Variants in SYN1 observed in about 807,000 individuals in gnomAD.
The protein encoded by SYN1 is synapsin I.
A neutral mutation model predicts 44.6 loss-of-function variants in SYN1; 8 were observed. That is an observed-to-expected ratio of 0.18 (90% CI 0.11 to 0.32). The LOEUF is 0.32. SYN1 is among the 10% of genes least tolerant of loss of function. The probability of loss-of-function intolerance (pLI) is 1.00; values close to 1 mark genes in which losing one functional copy is unlikely to be tolerated. For missense variants in SYN1, 451 were observed against 639.4 expected (o/e 0.71, Z 3.18); for synonymous variants, 275 against 280.1 (o/e 0.98, Z 0.18).
Position 47,609,345 on chromosome X carries a change from T to C in SYN1, c.378-2147A>G, listed in dbSNP as rs6609540. Reference sequence around the variant, plus strand: ...GAGGGCATCCCCATGGTCTGGTCTATGAAGGGAAAGAAAGGCCAGCCTCCT... The same window carrying C: ...GAGGGCATCCCCATGGTCTGGTCTACGAAGGGAAAGAAAGGCCAGCCTCCT... On this transcript the variant is annotated intron_variant, in intron 1 of 12. Coordinates refer to ENST00000295987, the MANE Select transcript of SYN1 (RefSeq NM_006950.3). Among the ~76,000 whole-genome samples the C allele has an allele frequency of 4.2e-4, 47 of 111,869 alleles. No homozygotes were observed. In the East Asian group the frequency reaches 0.012, roughly 30 times the overall value.
At chrX:47,583,637 C>T (rs888386870) in intron 5 of SYN1, 1 of 941,108 alleles carries the variant, frequency 1.1e-6, no homozygotes, top group Non-Finnish European at 1.4e-6. Context: ...TTCCACTCGC[C>T]CCTGCACTTC....
chrX:47,610,697 T>C (rs1475758005), intron 1 of SYN1, among the ~76,000 whole-genome samples: 1 of 110,381 alleles, frequency 9.1e-6, no homozygotes, highest in African/African-American at 3.3e-5. Context: ...GATACGGAAC[T>C]TAAAACCCTG....
At chrX:47,593,844 T>C (rs2057855736) in intron 5 of SYN1, among the ~76,000 whole-genome samples, 1 of 112,430 alleles carries the variant, frequency 8.9e-6, no homozygotes, top group Admixed American at 9.4e-5. Context: ...AAATTACTTA[T>C]TTTCATCTAG....
In SYN1 at chrX:47,572,254, G is replaced by C. The variant is rs778746358; in HGVS notation, c.*610C>G. 8.9e-6 allele frequency: 1 copy of C among 112,865 alleles called. No individual in the cohort carries two copies. The highest frequency in any genetic ancestry group is 2.7e-4 in the East Asian group (1 of 3,666). The allele number at this position is 112,865 out of a possible 1,213,427, so 9.3% of individuals were successfully genotyped here. ...TGGGGAGGGGGTCCCTGGGGGAACC[G>C]AGGGGTCCTGGAAGTGGGAGGGGCT... On this transcript the variant is annotated 3_prime_UTR_variant, in exon 13 of 13. Transcript: ENST00000295987.
chrX:47,606,949 C>G lies in SYN1; in HGVS notation c.523G>C (p.Val175Leu). Residue 175 changes from valine to leucine, a missense_variant, in exon 3 of 13, where the codon GTG becomes CTG. This residue lies in a region of SYN1 where 315 missense variants were observed against 451.4 expected (regional missense o/e 0.70). Coordinates refer to ENST00000295987, the MANE Select transcript of SYN1 (RefSeq NM_006950.3). ...AGGTACCCTTCTTATACTCACCGCA[C>G]GACCTTCACCCCATTCCGAAGAACT... Reference protein sequence around the residue: ...MEVLRNGVKVVRSLKPDFVLI... With the variant: ...MEVLRNGVKVLRSLKPDFVLI... 8.3e-7 allele frequency: 1 copy of G among 1,208,652 alleles called. No individual in the cohort carries two copies. The highest frequency in any genetic ancestry group is 1.1e-6 in the Non-Finnish European group (1 of 893,708).
At chrX:47,584,875 T>G in intron 5 of SYN1, 1 of 984,913 alleles carries the variant, frequency 1.0e-6, no homozygotes, top group Non-Finnish European at 1.4e-6. Context: ...ATGATGATGA[T>G]GATCTTATTT....
chrX:47,574,553 C>T lies in SYN1; in HGVS notation c.1431G>A (p.Gln477=). The T allele has an allele frequency of 9.2e-7, 1 of 1,088,704 alleles. No homozygotes were observed. Among genetic ancestry groups the T allele is most frequent in the Non-Finnish European group, 1.2e-6 (1 of 838,509 alleles). 89.7% of individuals were successfully genotyped at this position (1,088,704 alleles called of 1,213,427 possible). ...PPQPGPGPQR[Q]GPPLQQRPPP... ...GCGGGCGCTGCTGCAATGGGGGTCC[C>T]TGGCGCTGGGGGCCTGGACCCGGCT... The change falls in exon 12 of 13, where the codon CAG becomes CAA. Residue 477 remains glutamine (Q), a synonymous_variant. Transcript: ENST00000295987.
In SYN1 at chrX:47,574,163, C is replaced by A. The variant is rs1227692428; in HGVS notation, c.1821G>T (p.Ala607=). 6.7e-6 allele frequency: 7 copies of A among 1,052,301 alleles called. No homozygotes were observed. The African/African-American group carries it at 1.2e-4, about 18-fold the overall frequency. 86.7% of individuals were successfully genotyped at this position (1,052,301 alleles called of 1,213,427 possible). ...PAGPTRQASQ[A]GPVPRTGPPT... is the part of the protein sequence containing the mutation. Reference sequence around the variant, plus strand: ...GTGGCCCAGTGCGGGGCACGGGACCCGCCTGGCTGGCCTGGCGTGTGGGGC... The same window carrying A: ...GTGGCCCAGTGCGGGGCACGGGACCAGCCTGGCTGGCCTGGCGTGTGGGGC... Residue 607 remains alanine, a synonymous_variant, in exon 12 of 13, where the codon GCG becomes GCT. Transcript: ENST00000295987.
chrX:47,602,573 C>T (rs1231780775), intron 5 of SYN1, among the ~76,000 whole-genome samples: 2 of 110,072 alleles, frequency 1.8e-5, no homozygotes, highest in African/African-American at 6.6e-5. Context: ...ACCCAGGAGG[C>T]GGAGGCTGCA....
At chrX:47,582,881 C>G (rs1422040156) in intron 5 of SYN1, among the ~76,000 whole-genome samples, 1 of 95,295 alleles carries the variant, frequency 1.0e-5, no homozygotes, top group Non-Finnish European at 2.1e-5. Context: ...CCCTCAAATT[C>G]CTCAAGTATC....
intron 1 of SYN1, among the ~76,000 whole-genome samples, chrX:47,608,388 A>G (rs1315686809): frequency 9.0e-6 from 1 of 111,568 alleles, no homozygotes; most frequent in East Asian, 2.8e-4. Context: ...GCCTGTGTAT[A>G]TGTCAGTGCC....
At chrX:47,590,283 G>A (rs1425378770) in intron 5 of SYN1, 1 of 111,379 alleles carries the variant, frequency 9.0e-6, no homozygotes, top group Non-Finnish European at 1.9e-5. Flanking sequence ...ACCATGAGGA[G>A]AGGTTCCCCT....
intron 5 of SYN1, among the ~76,000 whole-genome samples, chrX:47,597,449 T>A (rs1489946164): frequency 9.0e-6 from 1 of 110,507 alleles, no homozygotes; most frequent in Non-Finnish European, 1.9e-5. Flanking sequence ...AATCAGTGAA[T>A]TTGAAGACAG....
intron 1 of SYN1, among the ~76,000 whole-genome samples, chrX:47,611,402 C>T (rs1200833349): frequency 9.0e-6 from 1 of 111,717 alleles, no homozygotes; most frequent in African/African-American, 3.3e-5. Context: ...TCAAGTAGTA[C>T]CCTTAGTTAT....
intron 1 of SYN1, among the ~76,000 whole-genome samples, chrX:47,614,703 C>T (rs1004107211): frequency 3.8e-4 from 42 of 111,750 alleles, no homozygotes; most frequent in Non-Finnish European, 6.8e-4. Context: ...TGGAATTATC[C>T]GCTGCTGATG....
At chrX:47,575,052 C>T in intron 10 of SYN1, 76 bp downstream of exon 10, 1 of 1,131,594 alleles carries the variant, frequency 8.8e-7, no homozygotes. Context: ...AGATTATCAG[C>T]TTCATGGCAC....
rs766588921 is a variant in SYN1 at position 47,576,413 on chromosome X, G to C, written c.981-7C>G. The C allele has an allele frequency of 2.5e-6, 3 of 1,212,083 alleles. No homozygotes were observed. Among genetic ancestry groups the C allele is most frequent in the Non-Finnish European group, 2.2e-6 (2 of 895,558 alleles). On this transcript the variant is annotated splice_region_variant and splice_polypyrimidine_tract_variant and intron_variant, in intron 7 of 12. Coordinates refer to ENST00000295987, the MANE Select transcript of SYN1 (RefSeq NM_006950.3). ...CCCTGACACTGACGTCCTCCTGGGG[G>C]ACAAGGGGACAGAAGCTCAGGGGTG...
rs67032823 is a variant in SYN1, at chrX:47,606,750, TA to T, written c.527+194del. Among the ~76,000 whole-genome samples the T allele has an allele frequency of 6.9e-3, 658 of 95,404 alleles. 1 individual carries two copies. The Middle Eastern group carries it at 0.074, about 11-fold the overall frequency. 82.8% of individuals were successfully genotyped at this position (95,404 alleles called of 115,157 possible). A position where few individuals can be genotyped will look rare whatever the true frequency, so the allele number is the denominator to read the frequency against. On this transcript the variant is annotated intron_variant, in intron 3 of 12. Coordinates refer to ENST00000295987, the MANE Select transcript of SYN1 (RefSeq NM_006950.3). ...TCTGAAATATATATATATATATATA[TA>T]TTTTTTTTTAAAGTCTGACTTGTGG...
At position 47,573,626 on chromosome X, in the gene SYN1, G is replaced by A. The variant is rs762111656; in HGVS notation, c.1982+376C>T. Among the ~76,000 whole-genome samples the A allele has an allele frequency of 3.6e-5, 4 of 111,411 alleles. No homozygotes were observed. The East Asian group carries it at 1.1e-3, about 32-fold the overall frequency. On this transcript the variant is annotated intron_variant, in intron 12 of 12. Transcript: ENST00000295987. ...ACTAGGACTCGGGCCAGGAGTTTTA[G>A]GGATGGGTTGGTGGCGGGGGGGCGA...
Sources: allele counts gnomAD v4.1 joint callset (sites outside exome capture counted in the v4.1 genomes callset), GRCh38; gene constraint gnomAD v4.1.1; regional missense constraint gnomAD v4.1.1; transcripts MANE v1.5; gene names NCBI Gene and HGNC (gene_info 2026-07-23, HGNC 2026-07-21).